GNAQ: variants seen among roughly 807,000 people sequenced by gnomAD.
GNAQ encodes guanine nucleotide-binding protein G(q) subunit alpha.
GNAQ carries 8 observed loss-of-function variants against 43.9 expected under a neutral mutation model. That is an observed-to-expected ratio of 0.18 (90% CI 0.11 to 0.33). GNAQ has a LOEUF of 0.33. Among genes scored for constraint, GNAQ ranks in the 10% least tolerant of loss-of-function variants. The pLI, the probability that GNAQ is intolerant of heterozygous loss-of-function variation, is 1.00. For synonymous variants in GNAQ, 155 were observed against 170.7 expected (o/e 0.91, Z 0.71); for missense variants, 158 against 450.8 (o/e 0.35, Z 5.88).
chr9:77,771,611 A>G (rs1171747432), intron 5 of GNAQ, among the ~76,000 whole-genome samples: 1 of 152,190 alleles, frequency 6.6e-6, no homozygotes, highest in East Asian at 1.9e-4. Flanking sequence ...TTTAGTGTTT[A>G]GTGGACAGGA....
intron 2 of GNAQ, among the ~76,000 whole-genome samples, chr9:77,921,939 T>C (rs940255791): frequency 3.9e-5 from 6 of 152,200 alleles, no homozygotes; most frequent in Non-Finnish European, 8.8e-5. Flanking sequence ...TCACTAAAAA[T>C]ACAAATCTGG....
chr9:77,761,185 G>A (rs1312238924), intron 5 of GNAQ, among the ~76,000 whole-genome samples: 3 of 145,462 alleles, frequency 2.1e-5, no homozygotes, highest in Non-Finnish European at 4.6e-5. Context: ...CCTCCCGCCC[G>A]GCCAGTGAGG....
chr9:77,854,117 A>G (rs1274430998), intron 2 of GNAQ, among the ~76,000 whole-genome samples: 1 of 152,192 alleles, frequency 6.6e-6, no homozygotes, highest in South Asian at 2.1e-4. Flanking sequence ...TTATAACTCT[A>G]ACATGAAGAT....
rs1825251332 is a variant in GNAQ at position 77,718,000 on chromosome 9, A to G, written c.*3323T>C. 1 of 232,810 alleles carries G rather than the reference A, an allele frequency of 4.3e-6. No homozygotes were observed. The highest frequency in any genetic ancestry group is 5.6e-5 in the Admixed American group (1 of 17,766). 14.4% of individuals were successfully genotyped at this position (232,810 alleles called of 1,614,324 possible). A position where few individuals can be genotyped will look rare whatever the true frequency, so the allele number is the denominator to read the frequency against. On this transcript the variant is annotated 3_prime_UTR_variant, in exon 7 of 7. Transcript: ENST00000286548. The stretch of plus-strand genomic sequence containing the variant: ...AAGGCATAGTAGAAACTTCCAATTT[A>G]CAAATAAGGAATTCTCTGGGGGTTA...
intron 1 of GNAQ, among the ~76,000 whole-genome samples, chr9:77,923,954 G>C (rs969094383): frequency 3.3e-5 from 5 of 152,102 alleles, no homozygotes; most frequent in African/African-American, 9.7e-5. Flanking sequence ...TTTCAATTAA[G>C]TATTACAGTT....
chr9:77,886,888 A>AC (rs2118090515), intron 2 of GNAQ, among the ~76,000 whole-genome samples: 1 of 151,526 alleles, frequency 6.6e-6, no homozygotes, highest in East Asian at 1.9e-4. Flanking sequence ...AGGCAGGGGG[A>AC]TCATGAGGTC....
rs1464530531 is a variant in GNAQ, at chr9:77,805,444, G to A, written c.477-7796C>T. On this transcript the variant is annotated intron_variant, in intron 3 of 6. Transcript: ENST00000286548. ...TTTTGAGATGGAGTCTCGCTCTGTC[G>A]CCCAGGCTGGAGTGCAATGGCATGA... 6.6e-5 allele frequency among the ~76,000 whole-genome samples: 10 copies of A among 151,216 alleles called. No individual in the cohort carries two copies. In the South Asian group the frequency reaches 1.0e-3, roughly 16 times the overall value.
At chr9:77,809,097 T>C (rs2118493767) in intron 3 of GNAQ, among the ~76,000 whole-genome samples, 1 of 152,242 alleles carries the variant, frequency 6.6e-6, no homozygotes, top group East Asian at 1.9e-4. Context: ...AATATATTGG[T>C]GCTAGTTCAT....
chr9:77,826,923 A>C (rs753095768), intron 2 of GNAQ, among the ~76,000 whole-genome samples: 2 of 152,204 alleles, frequency 1.3e-5, no homozygotes, highest in African/African-American at 2.4e-5. Context: ...TTTTGGGTGT[A>C]AGATCTTTGG....
chr9:77,868,860 G>A (rs1361125593), intron 2 of GNAQ, among the ~76,000 whole-genome samples: 1 of 152,112 alleles, frequency 6.6e-6, no homozygotes, highest in Non-Finnish European at 1.5e-5. Flanking sequence ...GGTGGCGCAT[G>A]CCTGTAATCC....
chr9:77,954,379 A>C (rs186643305), intron 1 of GNAQ, among the ~76,000 whole-genome samples: 1 of 152,228 alleles, frequency 6.6e-6, no homozygotes, highest in Non-Finnish European at 1.5e-5. Context: ...TACGATGTCA[A>C]CCTAGGCACA....
At chr9:77,795,010 G>A (rs1395079199) in intron 4 of GNAQ, among the ~76,000 whole-genome samples, 1 of 152,136 alleles carries the variant, frequency 6.6e-6, no homozygotes, top group African/African-American at 2.4e-5. Flanking sequence ...TCTTATGGAT[G>A]CTAGATATGA....
At chr9:78,009,355 C>T (rs1476607504) in intron 1 of GNAQ, among the ~76,000 whole-genome samples, 1 of 152,194 alleles carries the variant, frequency 6.6e-6, no homozygotes, top group Admixed American at 6.5e-5. Context: ...GAGAAGCCCA[C>T]TCCAGAAGGC....
rs1825312931 is a variant in GNAQ at position 77,721,529 on chromosome 9, C to A, written c.890-16G>T. 1 of 1,513,290 alleles carries A rather than the reference C, an allele frequency of 6.6e-7. No homozygotes were observed. The highest frequency in any genetic ancestry group is 1.4e-5 in the African/African-American group (1 of 72,552). The allele number at this position is 1,513,290 out of a possible 1,614,324, so 93.7% of individuals were successfully genotyped here. A position where few individuals can be genotyped will look rare whatever the true frequency, so the allele number is the denominator to read the frequency against. ...CTCTGGGGTCCTTTCGGCCAAGAGA[C>A]AAGAGGGACACTTTGTTACCTAATC... On this transcript the variant is annotated splice_polypyrimidine_tract_variant and intron_variant, in intron 6 of 6. Transcript: ENST00000286548.
At chr9:77,807,748 T>A (rs1219215130) in intron 3 of GNAQ, among the ~76,000 whole-genome samples, 1 of 152,202 alleles carries the variant, frequency 6.6e-6, no homozygotes, top group Non-Finnish European at 1.5e-5. Flanking sequence ...AGAATGCTAC[T>A]GTGTTTTAAT....
rs73461708 is a variant in GNAQ, at chr9:78,019,486, T to C, written c.136+11614A>G. Among the ~76,000 whole-genome samples the C allele has an allele frequency of 5.1e-3, 770 of 152,328 alleles. 5 individuals carry two copies. The highest frequency in any genetic ancestry group is 0.017 in the African/African-American group (705 of 41,570). On this transcript the variant is annotated intron_variant, in intron 1 of 6. Coordinates refer to ENST00000286548, the MANE Select transcript of GNAQ (RefSeq NM_002072.5). The stretch of plus-strand genomic sequence containing the variant: ...TAATTCTTGGACCATTAGAATGTAA[T>C]TGATAAATAAAAATATAAAGGTTCA...
chr9:77,985,679 C>T (rs146035384), intron 1 of GNAQ, among the ~76,000 whole-genome samples: 1,789 of 152,104 alleles, frequency 0.012, 17 homozygotes, highest in Non-Finnish European at 0.02. Context: ...CTCTGCCTCC[C>T]GGGTTCAAGC....
intron 1 of GNAQ, among the ~76,000 whole-genome samples, chr9:77,935,482 C>T (rs1472032771): frequency 6.6e-6 from 1 of 152,176 alleles, no homozygotes; most frequent in Non-Finnish European, 1.5e-5. Context: ...AAAGCCAATA[C>T]ATTTGCCATT....
At chr9:77,762,336 G>C (rs1297951359) in intron 5 of GNAQ, among the ~76,000 whole-genome samples, 1 of 146,456 alleles carries the variant, frequency 6.8e-6, no homozygotes, top group Non-Finnish European at 1.5e-5. Flanking sequence ...CGCCCCACCT[G>C]GGAGGTGAGG....
Sources: allele counts gnomAD v4.1 joint callset (sites outside exome capture counted in the v4.1 genomes callset), GRCh38; gene constraint gnomAD v4.1.1; transcripts MANE v1.5; gene names NCBI Gene and HGNC (gene_info 2026-07-23, HGNC 2026-07-21).